NOL4: variants seen among roughly 807,000 people sequenced by gnomAD.
The protein encoded by NOL4 is nucleolar protein 4.
In NOL4, 17 loss-of-function variants were observed where a neutral mutation model predicts 75.9. That is an observed-to-expected ratio of 0.22 (90% CI 0.15 to 0.34). NOL4 has a LOEUF of 0.34. NOL4 is among the 10% of genes least tolerant of loss of function. The pLI, the probability that NOL4 is intolerant of heterozygous loss-of-function variation, is 1.00. For synonymous variants in NOL4, 292 were observed against 289.9 expected, an observed-to-expected ratio of 1.01 and a Z score of -0.07; for missense variants, 614 against 793.5, an observed-to-expected ratio of 0.77 and a Z score of 2.72.
intron 1 of NOL4, among the ~76,000 whole-genome samples, chr18:34,214,715 G>T (rs1047840542): frequency 6.6e-6 from 1 of 152,072 alleles, no homozygotes; most frequent in African/African-American, 2.4e-5. Context: ...CTGCCCACTC[G>T]TGTTCATTGC....
chr18:34,143,832 T>A, intron 1 of NOL4, among the ~76,000 whole-genome samples: 1 of 120,254 alleles, frequency 8.3e-6, no homozygotes, highest in East Asian at 2.5e-4. Context: ...ACCACTTCAC[T>A]CCAGCCTGGG....
intron 5 of NOL4, among the ~76,000 whole-genome samples, chr18:34,020,197 A>C (rs1018636876): frequency 6.6e-6 from 1 of 152,178 alleles, no homozygotes; most frequent in African/African-American, 2.4e-5. Context: ...GGGCTAACAC[A>C]GCACATTTAG....
intron 5 of NOL4, among the ~76,000 whole-genome samples, chr18:34,031,789 C>T (rs115331493): frequency 0.012 from 1,800 of 152,276 alleles, 34 homozygotes; most frequent in African/African-American, 0.041. Context: ...GTGAGAAACC[C>T]TCAACAGTCC....
chr18:34,041,104 C>T (rs550825401), intron 5 of NOL4, among the ~76,000 whole-genome samples: 1 of 151,986 alleles, frequency 6.6e-6, no homozygotes, highest in South Asian at 2.1e-4. Context: ...TTCCTCTGAA[C>T]CCAAATATTT....
chr18:34,010,171 C>G (rs896315967), intron 6 of NOL4, among the ~76,000 whole-genome samples: 2 of 151,866 alleles, frequency 1.3e-5, no homozygotes, highest in African/African-American at 4.8e-5. Flanking sequence ...TCTTCTCACC[C>G]TCTGGTAACC....
At chr18:33,974,824 T>G (rs2071365298) in intron 6 of NOL4, among the ~76,000 whole-genome samples, 2 of 152,108 alleles carry the variant, frequency 1.3e-5, no homozygotes. Context: ...TGTGCCTGTA[T>G]CCAAAAGAAT....
chr18:33,936,313 C>A (rs1057404448), intron 9 of NOL4, among the ~76,000 whole-genome samples: 3 of 150,508 alleles, frequency 2.0e-5, no homozygotes, highest in African/African-American at 7.3e-5. Context: ...GAATTCACCA[C>A]TACTAAGGGA....
intron 1 of NOL4, among the ~76,000 whole-genome samples, chr18:34,167,640 A>G (rs1600779389): frequency 6.6e-6 from 1 of 152,074 alleles, no homozygotes; most frequent in Non-Finnish European, 1.5e-5. Flanking sequence ...AAGCTCACAC[A>G]TATGTATGTG....
intron 1 of NOL4, among the ~76,000 whole-genome samples, chr18:34,162,679 C>G (rs2031694298): frequency 6.6e-6 from 1 of 152,178 alleles, no homozygotes; most frequent in Non-Finnish European, 1.5e-5. Flanking sequence ...GGAACTGGTA[C>G]TATTCCTTCT....
intron 1 of NOL4, among the ~76,000 whole-genome samples, chr18:34,142,026 G>A (rs1272870231): frequency 6.6e-6 from 1 of 152,152 alleles, no homozygotes; most frequent in African/African-American, 2.4e-5. Context: ...CAAAGGACAT[G>A]AACAGACACT....
At position 34,103,907 on chromosome 18, in the gene NOL4, T is replaced by C. The variant is rs902057150; in HGVS notation, c.639+140A>G. ...TAGGAGTTTCTGCTCACTTTTCCCA[T>C]CTGTGCAACTGTGGTGAGATTCATT... On this transcript the variant is annotated intron_variant, in intron 4 of 10. Coordinates refer to ENST00000261592, the MANE Select transcript of NOL4 (RefSeq NM_003787.5). The C allele has an allele frequency of 1.0e-5, 6 of 572,196 alleles. No homozygotes were observed. In the Admixed American group the frequency reaches 1.3e-4, roughly 13 times the overall value. 35.4% of individuals were successfully genotyped at this position (572,196 alleles called of 1,614,324 possible). A position where few individuals can be genotyped will look rare whatever the true frequency, so the allele number is the denominator to read the frequency against.
At chr18:34,164,079 C>A (rs183963717) in intron 1 of NOL4, among the ~76,000 whole-genome samples, 3,881 of 152,224 alleles carry the variant, frequency 0.025, 86 homozygotes, top group Non-Finnish European at 0.034. Context: ...ACACCTTATA[C>A]AAAAATTAAT....
At chr18:33,855,798 A>G (rs2062811023) in intron 10 of NOL4, among the ~76,000 whole-genome samples, 1 of 152,062 alleles carries the variant, frequency 6.6e-6, no homozygotes, top group Non-Finnish European at 1.5e-5. Context: ...ATGAAAATGT[A>G]TATTTTCATT....
intron 9 of NOL4, among the ~76,000 whole-genome samples, chr18:33,932,426 T>TA (rs2145427988): frequency 6.6e-6 from 1 of 152,164 alleles, no homozygotes; most frequent in East Asian, 1.9e-4. Context: ...ATTCATCTTT[T>TA]ATAGGAATAA....
At chr18:34,135,044 A>C (rs929073343) in intron 1 of NOL4, among the ~76,000 whole-genome samples, 1 of 152,204 alleles carries the variant, frequency 6.6e-6, no homozygotes, top group Non-Finnish European at 1.5e-5. Context: ...AAGGGAGAGA[A>C]TATGTAAAAA....
intron 2 of NOL4, among the ~76,000 whole-genome samples, chr18:34,118,365 T>G (rs1008044062): frequency 4.6e-5 from 7 of 152,170 alleles, no homozygotes; most frequent in Non-Finnish European, 7.4e-5. Flanking sequence ...CTTACTAGAT[T>G]TGAGAAAATT....
intron 9 of NOL4, among the ~76,000 whole-genome samples, chr18:33,913,810 A>C (rs1391375636): frequency 1.3e-5 from 2 of 152,116 alleles, no homozygotes; most frequent in Admixed American, 1.3e-4. Context: ...CAATAAACTA[A>C]ACCTATGTGT....
chr18:34,053,441 G>A (rs888197476), intron 5 of NOL4, among the ~76,000 whole-genome samples: 2 of 151,948 alleles, frequency 1.3e-5, no homozygotes, highest in South Asian at 2.1e-4. Context: ...GACCCTATGA[G>A]TGGAAGGAAA....
chr18:33,900,210 A>G (rs1358564066), intron 9 of NOL4, among the ~76,000 whole-genome samples: 2 of 152,086 alleles, frequency 1.3e-5, no homozygotes, highest in Admixed American at 6.6e-5. Context: ...GGTGTGTCAC[A>G]TGGTGAGAGA....
Sources: gnomAD v4.1 joint callset for allele counts (sites outside exome capture counted in the v4.1 genomes callset) on GRCh38, gnomAD v4.1.1 for gene constraint, MANE v1.5 for transcripts, NCBI Gene and HGNC (gene_info 2026-07-23, HGNC 2026-07-21) for gene names.